HS1BP3: variants seen among roughly 807,000 people sequenced by gnomAD.
The protein encoded by HS1BP3 is HCLS1-binding protein 3.
Under a neutral mutation model 33.5 loss-of-function variants are expected in HS1BP3, and 32 were observed. The ratio of observed to expected loss-of-function variants is 0.95; its 90% CI spans 0.72 to 1.28. The LOEUF is 1.28. Among genes scored for constraint, HS1BP3 ranks in the 50% most tolerant of loss-of-function variants. HS1BP3 has a pLI of 0.00. For missense variants in HS1BP3, 486 were observed against 502.3 expected, an observed-to-expected ratio of 0.97 and a Z score of 0.31; for synonymous variants, 187 against 209.2, an observed-to-expected ratio of 0.89 and a Z score of 0.92.
In HS1BP3 at chr2:20,631,378, G is replaced by A. The variant is rs370340630; in HGVS notation, c.624-6486C>T. Among the ~76,000 whole-genome samples, 63 of 152,024 alleles carry A rather than the reference G, an allele frequency of 4.1e-4. No individual in the cohort carries two copies. In the South Asian group the frequency reaches 0.013, roughly 31 times the overall value. Reference sequence around the variant, plus strand: ...AAAGTAGACAAAAGTAGCCAGGCATGGTAGTGCATGCCTGTAGTTCCAGCT... The same window carrying A: ...AAAGTAGACAAAAGTAGCCAGGCATAGTAGTGCATGCCTGTAGTTCCAGCT... On this transcript the variant is annotated intron_variant, in intron 4 of 6. Coordinates refer to ENST00000304031, the MANE Select transcript of HS1BP3 (RefSeq NM_022460.4).
intron 5 of HS1BP3, among the ~76,000 whole-genome samples, chr2:20,584,415 C>T (rs984058710): frequency 6.6e-6 from 1 of 152,236 alleles, no homozygotes. Flanking sequence ...CTCAGCCTGC[C>T]TGCTCCAGCT....
At chr2:20,606,449 G>T (rs1572328087) in intron 2 of HS1BP3, 5 of 479,902 alleles carry the variant, frequency 1.0e-5, no homozygotes, top group South Asian at 8.5e-5. Flanking sequence ...CATAGCTGGG[G>T]TTATAAGTTT....
chr2:20,583,315 T>A (rs1693580280), intron 5 of HS1BP3, among the ~76,000 whole-genome samples: 1 of 152,046 alleles, frequency 6.6e-6, no homozygotes, highest in South Asian at 2.1e-4. Context: ...TACTGGGTTA[T>A]CAGGAAGGCT....
chr2:20,599,653 GT>G (rs770228556), intron 2 of HS1BP3, among the ~76,000 whole-genome samples: 4,061 of 116,126 alleles, frequency 0.035, 86 homozygotes, highest in East Asian at 0.077. Flanking sequence ...CACACACTCT[GT>G]TTTTTTTTTT....
At chr2:20,575,307 G>A (rs1391570964) in intron 5 of HS1BP3, among the ~76,000 whole-genome samples, 3 of 152,226 alleles carry the variant, frequency 2.0e-5, no homozygotes, top group Admixed American at 2.0e-4. Flanking sequence ...GGACAGGCAG[G>A]GCTAGGGACA....
In HS1BP3 at chr2:20,623,999, C is replaced by T. The variant is rs35589938; in HGVS notation, c.817G>A (p.Gly273Arg). The T allele has an allele frequency of 3.9e-3, 6,345 of 1,612,196 alleles. 241 individuals carry two copies. The African/African-American group carries it at 0.075, about 19-fold the overall frequency. The stretch of plus-strand genomic sequence containing the variant: ...AGGGAGTCACCCAGGGGGATGGCCC[C>T]GCCGAGGTCAGGATCATCAAATAGC... ...LKLFDDPDLG[G>R]AIPLGDSLLL... Residue 273 changes from glycine (G) to arginine (R), a missense_variant, in exon 6 of 7, where the codon GGG becomes AGG. Transcript: ENST00000304031.
intron 1 of HS1BP3, among the ~76,000 whole-genome samples, chr2:20,650,374 G>C (rs558625522): frequency 3.7e-4 from 57 of 152,224 alleles, no homozygotes; most frequent in Non-Finnish European, 6.6e-4. Flanking sequence ...CTTGGGCTGG[G>C]TCCTCCAGGT....
At chr2:20,622,449 A>C in intron 6 of HS1BP3, 2 of 577,360 alleles carry the variant, frequency 3.5e-6, no homozygotes, top group Non-Finnish European at 5.8e-6. Flanking sequence ...GCTAAGGGGC[A>C]CCACAGAGTG....
intron 4 of HS1BP3, among the ~76,000 whole-genome samples, chr2:20,633,345 C>G (rs1295509721): frequency 6.6e-6 from 1 of 152,212 alleles, no homozygotes; most frequent in Admixed American, 6.5e-5. Context: ...CTTGTCCCAA[C>G]CAGGGGAAAT....
chr2:20,574,727 C>T (rs995005093), intron 5 of HS1BP3, among the ~76,000 whole-genome samples: 1 of 152,218 alleles, frequency 6.6e-6, no homozygotes, highest in Non-Finnish European at 1.5e-5. Context: ...CAGTGCTGGG[C>T]AAGCCTGGCC....
intron 2 of HS1BP3, among the ~76,000 whole-genome samples, chr2:20,602,622 G>C (rs1694094659): frequency 6.6e-6 from 1 of 151,680 alleles, no homozygotes; most frequent in Admixed American, 6.6e-5. Flanking sequence ...TTTGAAATCT[G>C]ATGACTGTTT....
rs529339643 is a variant in HS1BP3 at position 20,595,834 on chromosome 2, G to A, written c.*12+2374C>T. Among the ~76,000 whole-genome samples, 173 of 152,292 alleles carry A rather than the reference G, an allele frequency of 1.1e-3. 5 individuals carry two copies. In the South Asian group the frequency reaches 0.034, roughly 30 times the overall value. ...CCATCACGGCCCATCAGGGGAGCAG[G>A]CCTCTTGGGGCCCCTGACACCTCCA... On this transcript the variant is annotated intron_variant, in intron 3 of 3. Transcript: ENST00000415264.
At chr2:20,642,609 C>T (rs1695391166) in intron 2 of HS1BP3, among the ~76,000 whole-genome samples, 2 of 152,218 alleles carry the variant, frequency 1.3e-5, no homozygotes, top group Admixed American at 6.5e-5. Flanking sequence ...AGGCTCAGAC[C>T]ACAGACCCAG....
At chr2:20,649,942 C>T (rs1207336717) in intron 1 of HS1BP3, among the ~76,000 whole-genome samples, 1 of 152,208 alleles carries the variant, frequency 6.6e-6, no homozygotes, top group African/African-American at 2.4e-5. Context: ...GGCTGAGGGG[C>T]ATATACTACT....
chr2:20,574,184 G>A (rs535619023), intron 5 of HS1BP3, among the ~76,000 whole-genome samples: 2 of 152,162 alleles, frequency 1.3e-5, no homozygotes, highest in Non-Finnish European at 2.9e-5. Context: ...AGATGGAAGC[G>A]CTGGAACAGA....
intron 1 of HS1BP3, among the ~76,000 whole-genome samples, chr2:20,649,470 C>T (rs1348264551): frequency 6.6e-6 from 1 of 152,240 alleles, no homozygotes; most frequent in East Asian, 1.9e-4. Flanking sequence ...GTTTTGTTTT[C>T]CTTCATAGCA....
At position 20,583,276 on chromosome 2, in the gene HS1BP3, G is replaced by T. The variant is rs144151758; in HGVS notation, c.303-22761C>A. 3.0e-3 allele frequency among the ~76,000 whole-genome samples: 460 copies of T among 152,324 alleles called. 1 individual carries two copies. Among genetic ancestry groups the T allele is most frequent in the South Asian group, 0.01 (50 of 4,828 alleles). On this transcript the variant is annotated intron_variant, in intron 5 of 5. Coordinates refer to the HS1BP3 transcript ENST00000446825. ...AGCTTTGGCTAACTCACATAGAAAA[G>T]GATTGTAATGAAAGGATATGGGGCA...
downstream of HS1BP3, among the ~76,000 whole-genome samples, chr2:20,555,600 G>GC (rs1692822959): frequency 6.6e-6 from 1 of 152,064 alleles, no homozygotes; most frequent in Admixed American, 6.6e-5. Context: ...GCCCAACAGA[G>GC]CCTTTGGGTT....
intron 5 of HS1BP3, among the ~76,000 whole-genome samples, chr2:20,568,724 G>A (rs746994145): frequency 4.6e-5 from 7 of 152,280 alleles, no homozygotes; most frequent in Admixed American, 1.3e-4. Context: ...CACACTCACC[G>A]TGATAGGCCA....
Sources: gnomAD v4.1 joint callset for allele counts (sites outside exome capture counted in the v4.1 genomes callset) on GRCh38, gnomAD v4.1.1 for gene constraint, MANE v1.5 for transcripts, NCBI Gene and HGNC (gene_info 2026-07-23, HGNC 2026-07-21) for gene names.